SPAG16: variants seen among roughly 807,000 people sequenced by gnomAD.
SPAG16 encodes sperm-associated antigen 16 protein.
SPAG16 carries 86 observed loss-of-function variants against 80.4 expected under a neutral mutation model. The ratio of observed to expected loss-of-function variants is 1.07; its 90% CI spans 0.90 to 1.28. The LOEUF is 1.28. Among genes scored for constraint, SPAG16 ranks in the 50% most tolerant of loss-of-function variants. SPAG16 has a pLI of 0.00. For synonymous variants in SPAG16, 294 were observed against 265.9 expected (o/e 1.11, Z -1.03); for missense variants, 870 against 765.3 (o/e 1.14, Z -1.61).
At chr2:213,713,184 G>C (rs2066081793) in intron 10 of SPAG16, among the ~76,000 whole-genome samples, 1 of 152,154 alleles carries the variant, frequency 6.6e-6, no homozygotes, top group East Asian at 1.9e-4. Flanking sequence ...CCAACACGTA[G>C]GGATTATAAT....
intron 15 of SPAG16, among the ~76,000 whole-genome samples, chr2:214,384,261 CT>C (rs1700624762): frequency 1.3e-5 from 2 of 152,152 alleles, no homozygotes; most frequent in Admixed American, 6.5e-5. Flanking sequence ...TGTTATAATG[CT>C]TTTTCCCCAA....
intron 11 of SPAG16, among the ~76,000 whole-genome samples, chr2:213,924,494 A>T (rs2078372209): frequency 6.6e-6 from 1 of 152,152 alleles, no homozygotes; most frequent in Admixed American, 6.5e-5. Flanking sequence ...GGTTTCTCAG[A>T]TGATTGGCCT....
At chr2:214,020,997 C>A (rs1306693145) in intron 13 of SPAG16, among the ~76,000 whole-genome samples, 3 of 151,974 alleles carry the variant, frequency 2.0e-5, no homozygotes, top group Admixed American at 1.3e-4. Flanking sequence ...TAAAATGTCA[C>A]CTTTATTTTG....
intron 15 of SPAG16, among the ~76,000 whole-genome samples, chr2:214,299,574 C>T (rs1209141982): frequency 6.6e-6 from 1 of 151,978 alleles, no homozygotes; most frequent in Non-Finnish European, 1.5e-5. Context: ...CAATTGTTTC[C>T]AGTCTCTCAC....
intron 11 of SPAG16, among the ~76,000 whole-genome samples, chr2:213,915,129 CTT>C (rs111327225): frequency 8.9e-5 from 13 of 146,634 alleles, no homozygotes; most frequent in South Asian, 2.1e-4. Flanking sequence ...CCCCCCACCT[CTT>C]TTTTTTTTTT....
At chr2:213,697,131 T>C (rs762478723) in intron 10 of SPAG16, among the ~76,000 whole-genome samples, 4 of 152,050 alleles carry the variant, frequency 2.6e-5, no homozygotes, top group Non-Finnish European at 5.9e-5. Flanking sequence ...GGTAGAAGTT[T>C]AGGTAGGTAG....
intron 15 of SPAG16, among the ~76,000 whole-genome samples, chr2:214,380,453 A>G (rs770557599): frequency 1.3e-5 from 2 of 152,196 alleles, no homozygotes; most frequent in African/African-American, 2.4e-5. Flanking sequence ...AAGAACTGTT[A>G]ATAATGAGTG....
At chr2:213,597,507 C>T (rs1255937155) in intron 10 of SPAG16, among the ~76,000 whole-genome samples, 1 of 152,110 alleles carries the variant, frequency 6.6e-6, no homozygotes, top group East Asian at 1.9e-4. Flanking sequence ...ATAAAACACA[C>T]ATCCAGTAAT....
intron 12 of SPAG16, among the ~76,000 whole-genome samples, chr2:213,976,979 G>A (rs2045444057): frequency 6.6e-6 from 1 of 152,056 alleles, no homozygotes; most frequent in African/African-American, 2.4e-5. Context: ...TAATAACTGG[G>A]TGTTGTTTTA....
chr2:214,298,188 T>A (rs551736030), intron 15 of SPAG16, among the ~76,000 whole-genome samples: 100 of 150,300 alleles, frequency 6.7e-4, no homozygotes, highest in Non-Finnish European at 8.9e-4. Flanking sequence ...ATATATATAT[T>A]TGCATGGCAA....
At chr2:213,817,949 A>G (rs970107277) in intron 10 of SPAG16, among the ~76,000 whole-genome samples, 2 of 152,158 alleles carry the variant, frequency 1.3e-5, no homozygotes, top group South Asian at 2.1e-4. Flanking sequence ...AAACTTGTAC[A>G]TGTTCTCCCT....
intron 9 of SPAG16, among the ~76,000 whole-genome samples, chr2:213,485,080 C>T (rs958817929): frequency 2.0e-5 from 3 of 151,264 alleles, no homozygotes; most frequent in African/African-American, 7.4e-5. Context: ...CTGCAACCTT[C>T]GCCTCCTGGG....
chr2:213,350,504 T>C, intron 6 of SPAG16, 24 bp from the exon 7 acceptor site: 2 of 1,283,574 alleles, frequency 1.6e-6, no homozygotes, highest in Non-Finnish European at 2.2e-6. Flanking sequence ...CCCCTTAAGA[T>C]GCTATTGACT....
intron 14 of SPAG16, among the ~76,000 whole-genome samples, chr2:214,109,161 C>G (rs1257444554): frequency 6.6e-6 from 1 of 152,132 alleles, no homozygotes; most frequent in Non-Finnish European, 1.5e-5. Flanking sequence ...CTGGGACTTC[C>G]CAGCCTCCAG....
chr2:214,219,362 C>CAACTTATCAAATAGAATTATTTGAT (rs556489339), intron 15 of SPAG16, among the ~76,000 whole-genome samples: 13 of 151,816 alleles, frequency 8.6e-5, no homozygotes, highest in Admixed American at 1.3e-4. Flanking sequence ...AAAAGAGAAA[C>CAACTTATCAAATAGAATTATTTGAT]AACTTATCAA....
At chr2:213,974,704 G>T (rs1171421273) in intron 12 of SPAG16, among the ~76,000 whole-genome samples, 1 of 152,098 alleles carries the variant, frequency 6.6e-6, no homozygotes, top group East Asian at 1.9e-4. Context: ...GGCTGCTCAT[G>T]TAACTCTCTG....
intron 10 of SPAG16, among the ~76,000 whole-genome samples, chr2:213,561,884 A>G (rs541883833): frequency 6.6e-6 from 1 of 152,210 alleles, no homozygotes; most frequent in Non-Finnish European, 1.5e-5. Flanking sequence ...GCCACCTATT[A>G]TTCTGAAATT....
Position 213,911,266 on chromosome 2 carries a change from C to T in SPAG16, c.1215-18694C>T, listed in dbSNP as rs375823474. On this transcript the variant is annotated intron_variant, in intron 11 of 15. Transcript: ENST00000331683. ...GCTCAAGTAATCCTCCCACCTTGGC[C>T]TCCCAGTAGCTATGACTACAGGCAC... Among the ~76,000 whole-genome samples the T allele has an allele frequency of 7.9e-5, 12 of 152,260 alleles. No homozygotes were observed. In the East Asian group the frequency reaches 2.1e-3, roughly 27 times the overall value.
At chr2:213,795,491 A>C (rs1347442377) in intron 10 of SPAG16, among the ~76,000 whole-genome samples, 1 of 152,196 alleles carries the variant, frequency 6.6e-6, no homozygotes, top group South Asian at 2.1e-4. Context: ...CTGCCTTCAA[A>C]AAATACGCCA....
Sources: gnomAD v4.1 joint callset for allele counts (sites outside exome capture counted in the v4.1 genomes callset) on GRCh38, gnomAD v4.1.1 for gene constraint, MANE v1.5 for transcripts, NCBI Gene and HGNC (gene_info 2026-07-23, HGNC 2026-07-21) for gene names.